The following VPS53 variants were observed in gnomAD, a reference collection of about 807,000 sequenced individuals.
VPS53 encodes the protein vacuolar protein sorting-associated protein 53 homolog.
In VPS53, 70 loss-of-function variants were observed where a neutral mutation model predicts 107.0. The observed-to-expected ratio is 0.65, with a 90% CI of 0.54 to 0.80. VPS53 has a LOEUF of 0.80. VPS53 is among the 30% of genes least tolerant of loss of function. The pLI, the probability that VPS53 is intolerant of heterozygous loss-of-function variation, is 0.00. For missense variants in VPS53, 917 were observed against 1,049.4 expected (o/e 0.87, Z 1.74); for synonymous variants, 409 against 393.3 (o/e 1.04, Z -0.47).
intron 7 of VPS53, among the ~76,000 whole-genome samples, chr17:632,139 C>T (rs1312010133): frequency 6.6e-6 from 1 of 152,062 alleles, no homozygotes; most frequent in Admixed American, 6.6e-5. Context: ...CACCTGTACT[C>T]GGGAGGCTGC....
chr17:682,138 A>G (rs1367858637), intron 4 of VPS53, among the ~76,000 whole-genome samples: 1 of 152,238 alleles, frequency 6.6e-6, no homozygotes, highest in African/African-American at 2.4e-5. Context: ...CTTTAAACAC[A>G]GCAGCCCTTT....
Position 529,419 on chromosome 17 carries a change from C to CAG in VPS53, c.2085+3422_2085+3423insCT, listed in dbSNP as rs781419895. 4.3e-3 allele frequency among the ~76,000 whole-genome samples: 660 copies of CAG among 152,110 alleles called. 2 individuals are homozygous for CAG. Among genetic ancestry groups the CAG allele is most frequent in the Non-Finnish European group, 8.0e-3 (541 of 67,968 alleles). The stretch of plus-strand genomic sequence containing the variant: ...ACACTCACACACACACACACACACA[C>CAG]ACACCCCTGCTGGGATTCTACTGTA... On this transcript the variant is annotated intron_variant, in intron 19 of 21. Transcript: ENST00000437048.
chr17:539,319 G>A (rs917559762), intron 17 of VPS53: 3 of 152,166 alleles, frequency 2.0e-5, no homozygotes, highest in African/African-American at 4.8e-5. Context: ...GCTCGTCACC[G>A]AACTCCTCTT....
intron 2 of VPS53, among the ~76,000 whole-genome samples, chr17:705,382 A>C (rs1009777485): frequency 2.6e-5 from 4 of 151,834 alleles, no homozygotes; most frequent in Admixed American, 2.6e-4. Context: ...TGAGGCCAGG[A>C]GTTCCAGACC....
intron 13 of VPS53, among the ~76,000 whole-genome samples, chr17:574,586 A>C (rs61562716): frequency 6.6e-6 from 1 of 151,996 alleles, no homozygotes; most frequent in Non-Finnish European, 1.5e-5. Context: ...GCAACATGGC[A>C]AAACTGCGTC....
chr17:600,337 C>T (rs867717258), intron 12 of VPS53, among the ~76,000 whole-genome samples: 20 of 152,196 alleles, frequency 1.3e-4, no homozygotes, highest in Non-Finnish European at 1.9e-4. Context: ...GGCTCTCCTG[C>T]GCAAAGCATG....
intron 12 of VPS53, among the ~76,000 whole-genome samples, chr17:598,836 TC>T (rs1475206645): frequency 5.9e-5 from 5 of 84,994 alleles, no homozygotes; most frequent in African/African-American, 1.7e-4. Context: ...GAGGAGCGTC[TC>T]CGCCCGGCAG....
chr17:599,905 T>A (rs1005222134), intron 12 of VPS53: 3 of 152,216 alleles, frequency 2.0e-5, no homozygotes, highest in Non-Finnish European at 2.9e-5. Context: ...TAGCTCTCAC[T>A]AAAGACAAGC....
intron 5 of VPS53, chr17:657,587 G>A (rs1971244736): frequency 2.4e-6 from 2 of 820,300 alleles, no homozygotes; most frequent in Middle Eastern, 2.7e-4. Context: ...TTGTCTTCCG[G>A]TGCACATAGC....
chr17:699,627 T>C (rs1973120667), intron 2 of VPS53, among the ~76,000 whole-genome samples: 1 of 152,236 alleles, frequency 6.6e-6, no homozygotes, highest in Non-Finnish European at 1.5e-5. Flanking sequence ...ACTTACATAT[T>C]GCCTGCGGCT....
At chr17:623,427 G>A (rs1212110485) in intron 11 of VPS53, 106 bp downstream of exon 11, 4 of 1,331,674 alleles carry the variant, frequency 3.0e-6, no homozygotes, top group Non-Finnish European at 3.1e-6. Flanking sequence ...TGCAATGAGG[G>A]GTTAAGCACC....
At chr17:605,862 A>G (rs1356792191) in intron 11 of VPS53, among the ~76,000 whole-genome samples, 1 of 152,092 alleles carries the variant, frequency 6.6e-6, no homozygotes, top group Admixed American at 6.5e-5. Context: ...TTTGTGGGCC[A>G]TGGTAAGGGT....
intron 2 of VPS53, chr17:706,038 T>C (rs1567754126): frequency 6.6e-6 from 1 of 152,192 alleles, no homozygotes; most frequent in Non-Finnish European, 1.5e-5. Context: ...GCTTCCTTCA[T>C]GGCAACGCTA....
intron 6 of VPS53, among the ~76,000 whole-genome samples, chr17:654,650 T>C (rs1248413649): frequency 1.6e-4 from 22 of 138,728 alleles, no homozygotes; most frequent in Admixed American, 1.3e-3. Context: ...GGCAGGAGAA[T>C]GGCGGGAACC....
At chr17:673,251 C>T (rs1167048787) in intron 4 of VPS53, among the ~76,000 whole-genome samples, 5 of 152,164 alleles carry the variant, frequency 3.3e-5, no homozygotes, top group East Asian at 1.9e-4. Context: ...ACCACATCCA[C>T]TGAGGGTGGA....
In VPS53 at chr17:661,544, AAAAACAAAAC is replaced by A. The variant is rs554367496; in HGVS notation, c.372+255_372+264del. ...TCAAAAAAAAAAAAAAAAATACCCA[AAAAACAAAAC>A]AAAACAAAACAAAAAAGTTGCCTAT... On this transcript the variant is annotated intron_variant, in intron 5 of 21. Transcript: ENST00000437048. Among the ~76,000 whole-genome samples the A allele has an allele frequency of 4.3e-3, 554 of 127,404 alleles. 2 individuals carry two copies. Among genetic ancestry groups the A allele is most frequent in the Non-Finnish European group, 7.6e-3 (408 of 53,580 alleles). The allele number at this position is 127,404 out of a possible 152,430, so 83.6% of individuals were successfully genotyped here.
intron 5 of VPS53, 70 bp from the exon 6 acceptor site, chr17:656,023 G>T: frequency 1.6e-6 from 2 of 1,267,868 alleles, no homozygotes; most frequent in Non-Finnish European, 2.2e-6. Flanking sequence ...TCTGCAAGTA[G>T]CTCTGTAAGA....
intron 17 of VPS53, among the ~76,000 whole-genome samples, chr17:545,171 A>C (rs983315363): frequency 3.3e-5 from 5 of 152,084 alleles, no homozygotes; most frequent in African/African-American, 1.2e-4. Context: ...TGGAATCTCA[A>C]AGTCAGAGTT....
At chr17:571,544 C>CCTCTCTTT (rs1345274890) in intron 13 of VPS53, among the ~76,000 whole-genome samples, 1 of 132,140 alleles carries the variant, frequency 7.6e-6, no homozygotes, top group African/African-American at 2.8e-5. Context: ...TCTCCCTCTC[C>CCTCTCTTT]CCACGGTCTC....
Sources: gnomAD v4.1 joint callset for allele counts (sites outside exome capture counted in the v4.1 genomes callset) on GRCh38, gnomAD v4.1.1 for gene constraint, MANE v1.5 for transcripts, NCBI Gene and HGNC (gene_info 2026-07-23, HGNC 2026-07-21) for gene names.